Variants in STK11 observed in about 807,000 individuals in gnomAD.
The protein encoded by STK11 is serine/threonine-protein kinase STK11.
STK11 carries 8 observed loss-of-function variants against 47.3 expected under a neutral mutation model. That is an observed-to-expected ratio of 0.17 (90% CI 0.10 to 0.31). The LOEUF (loss-of-function observed/expected upper bound fraction) is 0.31, where lower values mean the gene tolerates loss of function less well. Among genes scored for constraint, STK11 ranks in the 10% least tolerant of loss-of-function variants. The pLI, the probability that STK11 is intolerant of heterozygous loss-of-function variation, is 1.00. For missense variants in STK11, 475 were observed against 605.0 expected (o/e 0.79, Z 2.25); for synonymous variants, 330 against 255.8 (o/e 1.29, Z -2.77).
rs1387789089 is a variant in STK11 at position 1,220,405 on chromosome 19, A to G, written c.497A>G (p.Tyr166Cys). 1 of 1,604,432 alleles carries G rather than the reference A, an allele frequency of 6.2e-7. No individual in the cohort carries two copies. Among genetic ancestry groups the G allele is most frequent in the Non-Finnish European group, 8.5e-7 (1 of 1,176,120 alleles). ...TGTCAGCTGATTGACGGCCTGGAGT[A>G]CCTGCATAGCCAGGGCATTGTGCAC... ...YFCQLIDGLE[Y>C]LHSQGIVHKD... The change falls in exon 4 of 10, where the codon TAC (tyrosine) becomes TGC (cysteine). Residue 166 changes from tyrosine (Y) to cysteine (C), a missense_variant. Coordinates refer to ENST00000326873, the MANE Select transcript of STK11 (RefSeq NM_000455.5).
intron 1 of STK11, among the ~76,000 whole-genome samples, chr19:1,216,754 G>C (rs766169204): frequency 7.3e-5 from 11 of 151,258 alleles, no homozygotes; most frequent in Non-Finnish European, 1.3e-4. Flanking sequence ...TGTAGTCCCA[G>C]CTACTTGCGG....
In STK11 at chr19:1,228,297, ATATT is replaced by A. The variant is rs962869758; in HGVS notation, c.*725_*728del. ...CGGAGCAAGCAGGAGTGTGCGGTCA[ATATT>A]TATATCATCCAGAAAAGAAAAACAC... is the stretch of plus-strand genomic sequence containing the variant. On this transcript the variant is annotated 3_prime_UTR_variant, in exon 10 of 10. Coordinates refer to ENST00000326873, the MANE Select transcript of STK11 (RefSeq NM_000455.5). The A allele has an allele frequency of 1.3e-4, 36 of 269,380 alleles. No homozygotes were observed. The highest frequency in any genetic ancestry group is 3.4e-4 in the Admixed American group (6 of 17,768). 16.7% of individuals were successfully genotyped at this position (269,380 alleles called of 1,614,324 possible). A position where few individuals can be genotyped will look rare whatever the true frequency, so the allele number is the denominator to read the frequency against.
intron 3 of STK11, among the ~76,000 whole-genome samples, chr19:1,219,777 C>T (rs2080770026): frequency 6.6e-6 from 1 of 151,988 alleles, no homozygotes; most frequent in African/African-American, 2.4e-5. Context: ...AAACTCCTGA[C>T]CTCGTGATCC....
intron 9 of STK11, chr19:1,226,939 C>A: frequency 2.2e-6 from 1 of 456,696 alleles, no homozygotes; most frequent in Non-Finnish European, 3.8e-6. Flanking sequence ...AGAGTGGGTG[C>A]ATTCCGAGGA....
chr19:1,227,596 G>A lies in STK11; in HGVS notation c.*20G>A, dbSNP rs1005577791. The A allele has an allele frequency of 9.4e-7, 1 of 1,064,668 alleles. No homozygotes were observed. The highest frequency in any genetic ancestry group is 5.0e-5 in the East Asian group (1 of 20,112). The allele number at this position is 1,064,668 out of a possible 1,614,324, so 66.0% of individuals were successfully genotyped here. A position where few individuals can be genotyped will look rare whatever the true frequency, so the allele number is the denominator to read the frequency against. On this transcript the variant is annotated 3_prime_UTR_variant, in exon 10 of 10. Coordinates refer to ENST00000326873, the MANE Select transcript of STK11 (RefSeq NM_000455.5). Reference sequence around the variant, plus strand: ...CCGTCTTCCTTCCACCCTGCAGCCCGTGTCCAGGAGCCCCGCCAGGTGCCC... The same window carrying A: ...CCGTCTTCCTTCCACCCTGCAGCCCATGTCCAGGAGCCCCGCCAGGTGCCC...
In STK11 at chr19:1,220,380, T is replaced by C. The variant is rs1431247846; in HGVS notation, c.472T>C (p.Cys158Arg). The C allele has an allele frequency of 5.0e-6, 8 of 1,601,754 alleles. No homozygotes were observed. The highest frequency in any genetic ancestry group is 6.8e-6 in the Non-Finnish European group (8 of 1,174,752). ...GGTGTGTGCTGCCCGCAGGTACTTCTGTCAGCTGATTGACGGCCTGGAGTA... is the reference window on the plus strand; with the variant it reads ...GGTGTGTGCTGCCCGCAGGTACTTCCGTCAGCTGATTGACGGCCTGGAGTA... The part of the protein sequence containing the change: ...FPVCQAHGYF[C>R]QLIDGLEYLH... The change falls in exon 4 of 10, where the codon TGT (cysteine) becomes CGT (arginine). Residue 158 changes from cysteine to arginine, a missense_variant. Around this residue, in one of 5 missense-constraint regions of STK11, gnomAD observed 130 missense variants for 239.7 expected, o/e 0.54. Transcript: ENST00000326873.
intron 8 of STK11, chr19:1,223,538 C>G (rs1206574066): frequency 1.9e-6 from 2 of 1,027,490 alleles, no homozygotes; most frequent in African/African-American, 3.3e-5. Context: ...GCAGGGTGGC[C>G]CCTCAGACAG....
In STK11 at chr19:1,221,997, G is replaced by A. The variant is rs376280361; in HGVS notation, c.911G>A (p.Arg304Gln). 29 of 1,570,750 alleles carry A rather than the reference G, an allele frequency of 1.8e-5. No homozygotes were observed. The highest frequency in any genetic ancestry group is 1.7e-4 in the Middle Eastern group (1 of 6,036). Residue 304 changes from arginine (R) to glutamine (Q), a missense_variant, in exon 7 of 10, where the codon CGG becomes CAG. Coordinates refer to ENST00000326873, the MANE Select transcript of STK11 (RefSeq NM_000455.5). ...PAKRFSIRQI[R>Q]QHSWFRKKHP... ...AAGAGGTTCTCCATCCGGCAGATCC[G>A]GCAGCACAGGTGAGCGGCCCCTGGG...
chr19:1,206,661 C>T lies in STK11; in HGVS notation c.-253C>T. 1 of 536,886 alleles carries T rather than the reference C, an allele frequency of 1.9e-6. No individual in the cohort carries two copies. Among genetic ancestry groups the T allele is most frequent in the Admixed American group, 3.5e-5 (1 of 28,300 alleles). The allele number at this position is 536,886 out of a possible 1,614,324, so 33.3% of individuals were successfully genotyped here. A position where few individuals can be genotyped will look rare whatever the true frequency, so the allele number is the denominator to read the frequency against. On this transcript the variant is annotated 5_prime_UTR_variant, in exon 1 of 10. Coordinates refer to ENST00000326873, the MANE Select transcript of STK11 (RefSeq NM_000455.5). Reference sequence around the variant, plus strand: ...GGTCCCACTGGAACTCGCGTCTGAGCCGCCGTCCCGGACCCCCGGTGCCCG... The same window carrying T: ...GGTCCCACTGGAACTCGCGTCTGAGTCGCCGTCCCGGACCCCCGGTGCCCG...
chr19:1,220,811 GC>G, intron 5 of STK11, 94 bp downstream of exon 5: 1 of 1,510,384 alleles, frequency 6.6e-7, no homozygotes, highest in East Asian at 2.3e-5. Flanking sequence ...GCAGGGCGTG[GC>G]CACCGGCCCA....
intron 1 of STK11, among the ~76,000 whole-genome samples, chr19:1,210,011 G>A (rs1004214696): frequency 2.6e-5 from 4 of 152,172 alleles, no homozygotes; most frequent in Non-Finnish European, 5.9e-5. Context: ...AGTGTGTAAC[G>A]GCTTTGCCCT....
chr19:1,221,240 C>T lies in STK11; in HGVS notation c.762C>T (p.Pro254=), dbSNP rs1555738623. The T allele has an allele frequency of 3.1e-6, 5 of 1,612,598 alleles. No individual in the cohort carries two copies. Among genetic ancestry groups the T allele is most frequent in the Non-Finnish European group, 4.2e-6 (5 of 1,179,648 alleles). The change falls in exon 6 of 10, where the codon CCC becomes CCT. Residue 254 remains proline (P), a synonymous_variant. Coordinates refer to ENST00000326873, the MANE Select transcript of STK11 (RefSeq NM_000455.5). ...ACAACATCACCACGGGTCTGTACCC[C>T]TTCGAAGGGGACAACATCTACAAGT... ...TLYNITTGLY[P]FEGDNIYKLF... is the part of the protein sequence containing the mutation.
intron 6 of STK11, chr19:1,221,723 G>A: frequency 1.6e-6 from 1 of 609,132 alleles, no homozygotes; most frequent in Non-Finnish European, 2.9e-6. Flanking sequence ...AACCGCCCTG[G>A]CCGTCCAGCC....
intron 8 of STK11, chr19:1,224,241 G>A: frequency 1.0e-6 from 1 of 985,352 alleles, no homozygotes. Context: ...GCATGTGGGG[G>A]CCCCCCAGGA....
chr19:1,206,890 G>GC lies in STK11; in HGVS notation c.-24_-23insC, dbSNP rs769089752. 1 of 1,543,990 alleles carries GC rather than the reference G, an allele frequency of 6.5e-7. No individual in the cohort carries two copies. The highest frequency in any genetic ancestry group is 8.8e-7 in the Non-Finnish European group (1 of 1,139,300). ...ACCCGCGGACTCAGGGCTGGCGGCG[G>GC]GACTCCAGGACCCTGGGTCCAGCAT... is the stretch of plus-strand genomic sequence containing the variant. On this transcript the variant is annotated 5_prime_UTR_variant, in exon 1 of 10. Coordinates refer to ENST00000326873, the MANE Select transcript of STK11 (RefSeq NM_000455.5).
At position 1,206,490 on chromosome 19, in the gene STK11, A is replaced by C; in HGVS notation, c.-424A>C. 4.0e-6 allele frequency: 1 copy of C among 251,130 alleles called. No individual in the cohort carries two copies. The highest frequency in any genetic ancestry group is 7.7e-6 in the Non-Finnish European group (1 of 129,044). 15.6% of individuals were successfully genotyped at this position (251,130 alleles called of 1,614,324 possible). A position where few individuals can be genotyped will look rare whatever the true frequency, so the allele number is the denominator to read the frequency against. Reference sequence around the variant, plus strand: ...GCCTGTGGGATGGGCGGCCCGGAGAAGACTGCGCTCGGCCGTGTTCATACT... The same window carrying C: ...GCCTGTGGGATGGGCGGCCCGGAGACGACTGCGCTCGGCCGTGTTCATACT... On this transcript the variant is annotated 5_prime_UTR_variant, in exon 1 of 10. Transcript: ENST00000326873.
chr19:1,214,736 G>A (rs970217340), intron 1 of STK11, among the ~76,000 whole-genome samples: 4 of 152,174 alleles, frequency 2.6e-5, no homozygotes, highest in Admixed American at 6.5e-5. Context: ...GTGTGGGGTG[G>A]TCCCTGCACA....
chr19:1,213,986 T>G (rs1014816245), intron 1 of STK11, among the ~76,000 whole-genome samples: 4 of 152,228 alleles, frequency 2.6e-5, no homozygotes, highest in Non-Finnish European at 5.9e-5. Context: ...ATGACTCTCC[T>G]TCCTATTTCC....
At chr19:1,223,489 G>A in intron 8 of STK11, 2 of 840,678 alleles carry the variant, frequency 2.4e-6, no homozygotes, top group Non-Finnish European at 3.2e-6. Flanking sequence ...GCAGGCGGGG[G>A]AGCCCCAGGG....
Sources: allele counts gnomAD v4.1 joint callset (sites outside exome capture counted in the v4.1 genomes callset), GRCh38; gene constraint gnomAD v4.1.1; regional missense constraint gnomAD v4.1.1; transcripts MANE v1.5; gene names NCBI Gene and HGNC (gene_info 2026-07-23, HGNC 2026-07-21).